The following CDH12 variants were observed in gnomAD, a reference collection of about 807,000 sequenced individuals.
CDH12 encodes cadherin-12.
Under a neutral mutation model 74.1 loss-of-function variants are expected in CDH12, and 41 were observed. The observed-to-expected ratio is 0.55, with a 90% CI of 0.43 to 0.72. CDH12 has a LOEUF of 0.72. Among genes scored for constraint, CDH12 ranks in the 30% least tolerant of loss-of-function variants. CDH12 has a pLI of 0.00. For synonymous variants in CDH12, 399 were observed against 355.0 expected (o/e 1.12, Z -1.39); for missense variants, 945 against 977.2 (o/e 0.97, Z 0.44).
chr5:21,924,398 C>T (rs1455988897), intron 6 of CDH12, among the ~76,000 whole-genome samples: 5 of 152,092 alleles, frequency 3.3e-5, no homozygotes, highest in Admixed American at 2.0e-4. Flanking sequence ...AACCTGTAAT[C>T]CCAGCTACTT....
chr5:22,026,259 A>T (rs1305502240), intron 5 of CDH12, among the ~76,000 whole-genome samples: 6 of 152,168 alleles, frequency 3.9e-5, no homozygotes, highest in Non-Finnish European at 5.9e-5. Context: ...GTTAGACATG[A>T]TCCCTAGTGG....
At chr5:22,429,127 T>A (rs1744064771) in intron 2 of CDH12, among the ~76,000 whole-genome samples, 2 of 151,376 alleles carry the variant, frequency 1.3e-5, no homozygotes, top group Non-Finnish European at 2.9e-5. Context: ...TTATTTTATT[T>A]TATTTTATTT....
chr5:22,574,011 G>A (rs1739660850), intron 1 of CDH12, among the ~76,000 whole-genome samples: 2 of 151,152 alleles, frequency 1.3e-5, no homozygotes, highest in Non-Finnish European at 2.9e-5. Flanking sequence ...GCAATATTTG[G>A]CACATTCTTT....
intron 3 of CDH12, among the ~76,000 whole-genome samples, chr5:22,348,519 A>G (rs983220990): frequency 6.6e-6 from 1 of 152,252 alleles, no homozygotes; most frequent in Non-Finnish European, 1.5e-5. Context: ...TGTTGTGAAC[A>G]GACTGGAAAA....
chr5:21,852,461 G>T, intron 7 of CDH12, among the ~76,000 whole-genome samples: 1 of 151,360 alleles, frequency 6.6e-6, no homozygotes, highest in East Asian at 1.9e-4. Context: ...TTGGCCAAGT[G>T]AAATCAAGGG....
intron 1 of CDH12, among the ~76,000 whole-genome samples, chr5:22,757,948 T>C (rs1158796859): frequency 2.0e-5 from 3 of 152,158 alleles, no homozygotes; most frequent in Admixed American, 6.5e-5. Context: ...GGGAGGGGTA[T>C]AGAAAGGAGA....
chr5:22,623,648 C>T (rs1016916627), intron 1 of CDH12, among the ~76,000 whole-genome samples: 2 of 152,118 alleles, frequency 1.3e-5, no homozygotes, highest in African/African-American at 4.8e-5. Context: ...CAAACCACTG[C>T]TCAATGAAAT....
intron 5 of CDH12, among the ~76,000 whole-genome samples, chr5:21,996,132 T>TTTC (rs1736283792): frequency 7.0e-6 from 1 of 143,176 alleles, no homozygotes; most frequent in African/African-American, 2.7e-5. Context: ...TTTTTTTTTT[T>TTTC]CCAATGCCTG....
At chr5:22,335,692 A>G (rs1158710164) in intron 3 of CDH12, among the ~76,000 whole-genome samples, 1 of 151,918 alleles carries the variant, frequency 6.6e-6, no homozygotes, top group Non-Finnish European at 1.5e-5. Context: ...CTTGCCTTCC[A>G]CCATGTTTGT....
At chr5:22,308,677 C>T (rs911492255) in intron 3 of CDH12, among the ~76,000 whole-genome samples, 3 of 152,098 alleles carry the variant, frequency 2.0e-5, no homozygotes, top group Non-Finnish European at 4.4e-5. Flanking sequence ...TCCCTATTTG[C>T]AGATCCTTAA....
intron 2 of CDH12, among the ~76,000 whole-genome samples, chr5:22,500,166 T>C (rs1209841439): frequency 6.6e-6 from 1 of 152,200 alleles, no homozygotes; most frequent in African/African-American, 2.4e-5. Context: ...TTAAAGTTTC[T>C]ATCTTCAACA....
intron 1 of CDH12, among the ~76,000 whole-genome samples, chr5:22,668,932 CTT>C (rs954213863): frequency 2.6e-5 from 4 of 151,846 alleles, no homozygotes; most frequent in Non-Finnish European, 4.4e-5. Flanking sequence ...CTCTCTCTCT[CTT>C]ATAGTTTGAT....
At chr5:22,363,011 A>C (rs369224869) in intron 3 of CDH12, among the ~76,000 whole-genome samples, 7 of 150,248 alleles carry the variant, frequency 4.7e-5, no homozygotes, top group Admixed American at 3.3e-4. Flanking sequence ...CAGCACACCA[A>C]CATGGCACAT....
At chr5:22,846,339 T>C (rs1193806294) in intron 1 of CDH12, among the ~76,000 whole-genome samples, 1 of 152,084 alleles carries the variant, frequency 6.6e-6, no homozygotes, top group Non-Finnish European at 1.5e-5. Context: ...AGGCATAGAT[T>C]TGGAAAAAGC....
chr5:22,009,846 C>T (rs965578931), intron 5 of CDH12, among the ~76,000 whole-genome samples: 5 of 139,364 alleles, frequency 3.6e-5, no homozygotes, highest in Admixed American at 2.3e-4. Context: ...AGCGTGGTGG[C>T]GGTTGCCTGT....
intron 1 of CDH12, among the ~76,000 whole-genome samples, chr5:22,793,361 C>A (rs950405570): frequency 2.6e-5 from 4 of 152,150 alleles, no homozygotes; most frequent in Non-Finnish European, 4.4e-5. Flanking sequence ...TGCCTTCCTG[C>A]TTTTTGGCAT....
chr5:22,306,090 T>G (rs931083858), intron 3 of CDH12, among the ~76,000 whole-genome samples: 3 of 152,228 alleles, frequency 2.0e-5, no homozygotes, highest in African/African-American at 7.2e-5. Flanking sequence ...AATGTCTTTA[T>G]ACTTTTGTTC....
chr5:22,130,660 A>G (rs2150286530), intron 4 of CDH12, among the ~76,000 whole-genome samples: 1 of 151,932 alleles, frequency 6.6e-6, no homozygotes, highest in South Asian at 2.1e-4. Context: ...AATATAAGAT[A>G]AACACCTAAT....
intron 3 of CDH12, among the ~76,000 whole-genome samples, chr5:22,249,701 CT>C (rs1164673914): frequency 6.6e-6 from 1 of 152,146 alleles, no homozygotes; most frequent in African/African-American, 2.4e-5. Flanking sequence ...GCTAACCATG[CT>C]TCTGTTGTTA....
Sources: gnomAD v4.1 joint callset for allele counts (sites outside exome capture counted in the v4.1 genomes callset) on GRCh38, gnomAD v4.1.1 for gene constraint, MANE v1.5 for transcripts, NCBI Gene and HGNC (gene_info 2026-07-23, HGNC 2026-07-21) for gene names.